Variants in DMD observed in about 807,000 individuals in gnomAD.
DMD encodes dystrophin.
A neutral mutation model predicts 330.1 loss-of-function variants in DMD; 63 were observed. The observed-to-expected ratio is 0.19, with a 90% CI of 0.16 to 0.24. DMD has a LOEUF of 0.24. DMD is among the 10% of genes least tolerant of loss of function. DMD has a pLI of 1.00. For missense variants in DMD, 3,344 were observed against 2,684.1 expected (o/e 1.25, Z -5.43); for synonymous variants, 1,223 against 959.8 (o/e 1.27, Z -5.07).
At chrX:31,840,173 A>G (rs1380016426) in intron 48 of DMD, among the ~76,000 whole-genome samples, 1 of 111,772 alleles carries the variant, frequency 8.9e-6, no homozygotes, top group East Asian at 2.8e-4. Context: ...CATAGTATTT[A>G]TACATTAAAA....
chrX:32,403,510 T>C (rs1380505882), intron 30 of DMD, among the ~76,000 whole-genome samples: 1 of 112,026 alleles, frequency 8.9e-6, no homozygotes, highest in Non-Finnish European at 1.9e-5. Context: ...CTTTATCATA[T>C]AGCCAGTGAG....
intron 59 of DMD, among the ~76,000 whole-genome samples, chrX:31,449,775 T>TAG (rs1344591973): frequency 9.3e-4 from 82 of 88,027 alleles, no homozygotes; most frequent in African/African-American, 3.3e-3. Context: ...TATATATATA[T>TAG]ATATATATAT....
intron 57 of DMD, among the ~76,000 whole-genome samples, chrX:31,483,120 C>G (rs1375026303): frequency 2.0e-5 from 2 of 100,695 alleles, no homozygotes; most frequent in Non-Finnish European, 4.0e-5. Flanking sequence ...AATCTCGGCT[C>G]ACTGCAAGCT....
intron 44 of DMD, among the ~76,000 whole-genome samples, chrX:32,154,297 AT>A (rs1486942873): frequency 8.9e-6 from 1 of 112,221 alleles, no homozygotes; most frequent in African/African-American, 3.2e-5. Context: ...TGTTCTGGCT[AT>A]TTTTTCTAAA....
At chrX:32,262,613 G>C (rs1455993135) in intron 43 of DMD, among the ~76,000 whole-genome samples, 2 of 111,081 alleles carry the variant, frequency 1.8e-5, no homozygotes, top group Non-Finnish European at 3.8e-5. Flanking sequence ...GTCTCAATAA[G>C]TATAAAGATT....
chrX:32,813,977 G>T (rs1316377341), intron 6 of DMD, among the ~76,000 whole-genome samples: 1 of 111,723 alleles, frequency 9.0e-6, no homozygotes, highest in African/African-American at 3.3e-5. Context: ...TTAGAAATTA[G>T]TTTGTCAACA....
intron 4 of DMD, among the ~76,000 whole-genome samples, chrX:32,836,899 A>G (rs1218505335): frequency 1.8e-5 from 2 of 111,665 alleles, no homozygotes; most frequent in Non-Finnish European, 3.8e-5. Context: ...TTTTTTTACT[A>G]TTTTCCTAAG....
intron 55 of DMD, among the ~76,000 whole-genome samples, chrX:31,566,302 T>C (rs2075460760): frequency 8.9e-6 from 1 of 111,975 alleles, no homozygotes; most frequent in Admixed American, 9.5e-5. Flanking sequence ...GTTCTTTTTT[T>C]TTCCCACTCT....
chrX:32,658,482 A>G (rs572446904), intron 9 of DMD, among the ~76,000 whole-genome samples: 7 of 111,688 alleles, frequency 6.3e-5, no homozygotes, highest in African/African-American at 1.9e-4. Context: ...TTAAGTGAAT[A>G]AACATGGATG....
At chrX:32,734,795 C>T (rs1278724124) in intron 7 of DMD, among the ~76,000 whole-genome samples, 1 of 106,599 alleles carries the variant, frequency 9.4e-6, no homozygotes, top group Non-Finnish European at 1.9e-5. Context: ...ATGACAAACC[C>T]ACAGCCAATA....
chrX:31,258,555 G>A (rs193236871), intron 63 of DMD, among the ~76,000 whole-genome samples: 92 of 112,371 alleles, frequency 8.2e-4, no homozygotes, highest in African/African-American at 2.9e-3. Flanking sequence ...ACACACTTAC[G>A]ATGACTTCCT....
chrX:31,137,488 A>G (rs922825001), intron 76 of DMD, among the ~76,000 whole-genome samples: 1 of 111,880 alleles, frequency 8.9e-6, no homozygotes, highest in Non-Finnish European at 1.9e-5. Context: ...GTAATATTTG[A>G]TACTAACCCA....
At chrX:32,331,561 A>T (rs2097680003) in intron 41 of DMD, among the ~76,000 whole-genome samples, 1 of 111,088 alleles carries the variant, frequency 9.0e-6, no homozygotes, top group African/African-American at 3.2e-5. Context: ...GAAAAATTTG[A>T]CACAGTATAT....
intron 55 of DMD, among the ~76,000 whole-genome samples, chrX:31,534,908 T>C (rs2074020598): frequency 2.5e-5 from 1 of 39,699 alleles, no homozygotes; most frequent in African/African-American, 1.1e-4. Context: ...GAGAATAAAA[T>C]ACCTAGGAAT....
intron 9 of DMD, among the ~76,000 whole-genome samples, chrX:32,677,531 T>C (rs1354510239): frequency 9.0e-6 from 1 of 111,726 alleles, no homozygotes; most frequent in Non-Finnish European, 1.9e-5. Flanking sequence ...ACATAGGCAC[T>C]GGAATTTTGT....
intron 44 of DMD, among the ~76,000 whole-genome samples, chrX:32,210,880 C>T (rs1279948956): frequency 1.8e-5 from 2 of 111,591 alleles, no homozygotes; most frequent in East Asian, 2.8e-4. Flanking sequence ...AAGAGGAGGA[C>T]GGTCTTTTCA....
Position 32,472,182 on chromosome X carries a change from C to G in DMD, c.2931G>C (p.Gln977His), listed in dbSNP as rs759350909. The change falls in exon 22 of 79, where the codon CAG becomes CAC. Residue 977 changes from glutamine (Q) to histidine (H), a missense_variant. Coordinates refer to ENST00000357033, the MANE Select transcript of DMD (RefSeq NM_004006.3). ...CACAGACCTGCAATTCCCCGAGTCT[C>G]TGCTCCATGATTTCATAGTCGGTGA... is the stretch of plus-strand genomic sequence containing the variant. ...LSVTDYEIME[Q>H]RLGELQALQS... 8.3e-7 allele frequency: 1 copy of G among 1,209,644 alleles called. No individual in the cohort carries two copies. The highest frequency in any genetic ancestry group is 1.1e-6 in the Non-Finnish European group (1 of 895,087).
intron 7 of DMD, among the ~76,000 whole-genome samples, chrX:32,734,594 G>A (rs1206915886): frequency 2.2e-4 from 23 of 103,944 alleles, no homozygotes; most frequent in African/African-American, 8.1e-4. Context: ...TCCCTGGGAT[G>A]CAAGGCTGGT....
In DMD at chrX:31,959,194, C is replaced by T. The variant is rs147301482; in HGVS notation, c.6614+9145G>A. On this transcript the variant is annotated intron_variant, in intron 45 of 78. Transcript: ENST00000357033. Reference sequence around the variant, plus strand: ...CACTCTCTTTTTTTCACTCTGAGCTCAACTGTCAAAGGGACATATGAGGAT... The same window carrying T: ...CACTCTCTTTTTTTCACTCTGAGCTTAACTGTCAAAGGGACATATGAGGAT... Among the ~76,000 whole-genome samples the T allele has an allele frequency of 4.7e-3, 526 of 111,734 alleles. 11 individuals carry two copies. In the East Asian group the frequency reaches 0.09, roughly 19 times the overall value.
Sources: gnomAD v4.1 joint callset for allele counts (sites outside exome capture counted in the v4.1 genomes callset) on GRCh38, gnomAD v4.1.1 for gene constraint, MANE v1.5 for transcripts, NCBI Gene and HGNC (gene_info 2026-07-23, HGNC 2026-07-21) for gene names.